CTCF: variants seen among roughly 807,000 people sequenced by gnomAD.
CTCF encodes CCCTC-binding factor, also known as transcriptional repressor CTCF.
In CTCF, 7 loss-of-function variants were observed where a neutral mutation model predicts 72.3. The ratio of observed to expected loss-of-function variants is 0.10; its 90% CI spans 0.06 to 0.18. The LOEUF is 0.18. CTCF is among the 10% of genes least tolerant of loss of function. The probability of loss-of-function intolerance (pLI) is 1.00; values close to 1 mark genes in which losing one functional copy is unlikely to be tolerated. For synonymous variants in CTCF, 374 were observed against 315.8 expected, an observed-to-expected ratio of 1.18 and a Z score of -1.95; for missense variants, 516 against 949.1, an observed-to-expected ratio of 0.54 and a Z score of 6.00.
chr16:67,602,020 C>T (rs1597704590), intron 2 of CTCF, among the ~76,000 whole-genome samples: 1 of 152,074 alleles, frequency 6.6e-6, no homozygotes, highest in East Asian at 1.9e-4. Flanking sequence ...CCTGCCACCA[C>T]AACTGGCTAA....
intron 7 of CTCF, among the ~76,000 whole-genome samples, chr16:67,623,042 A>G (rs1053627418): frequency 2.0e-5 from 3 of 150,470 alleles, no homozygotes; most frequent in South Asian, 4.2e-4. Context: ...GTTCACTGCA[A>G]CCTCCGCCTC....
At chr16:67,601,864 A>ATTTTCTT (rs2142792590) in intron 2 of CTCF, among the ~76,000 whole-genome samples, 1 of 135,092 alleles carries the variant, frequency 7.4e-6, no homozygotes, top group East Asian at 2.2e-4. Context: ...TTTACAAGCA[A>ATTTTCTT]TTTTTTTTTT....
At chr16:67,597,362 CAG>C (rs2051828815) in intron 2 of CTCF, among the ~76,000 whole-genome samples, 2 of 151,640 alleles carry the variant, frequency 1.3e-5, no homozygotes, top group South Asian at 4.2e-4. Context: ...TATTTTGATA[CAG>C]AGTCTCGCTC....
chr16:67,611,695 T>C, intron 3 of CTCF, 82 bp downstream of exon 3: 1 of 1,320,850 alleles, frequency 7.6e-7, no homozygotes, highest in Non-Finnish European at 1.0e-6. Context: ...AGTTGTTTTA[T>C]ATTAACCGTA....
Position 67,610,356 on chromosome 16 carries a change from T to C in CTCF, c.-9-468T>C, listed in dbSNP as rs573030367. Among the ~76,000 whole-genome samples the C allele has an allele frequency of 4.8e-4, 70 of 146,748 alleles. 1 individual carries two copies. The highest frequency in any genetic ancestry group is 4.1e-3 in the East Asian group (21 of 5,118). ...GTAGTGGTTTTTTCTTTTTCTTTTT[T>C]TTTTTTTTTTTTTTGAGATGGAGTC... On this transcript the variant is annotated intron_variant, in intron 2 of 11. Transcript: ENST00000264010.
At chr16:67,598,909 G>C (rs1171808002) in intron 2 of CTCF, among the ~76,000 whole-genome samples, 1 of 152,208 alleles carries the variant, frequency 6.6e-6, no homozygotes. Context: ...GCTCCGTAAA[G>C]TATTGGGGAT....
At chr16:67,584,908 C>G (rs2051648428) in intron 2 of CTCF, among the ~76,000 whole-genome samples, 1 of 152,104 alleles carries the variant, frequency 6.6e-6, no homozygotes, top group South Asian at 2.1e-4. Context: ...GCATTTGATT[C>G]TGTAGCTAAT....
intron 2 of CTCF, among the ~76,000 whole-genome samples, chr16:67,578,671 G>A (rs1365383407): frequency 6.6e-6 from 1 of 151,944 alleles, no homozygotes; most frequent in Admixed American, 6.6e-5. Context: ...AAATAGGCCG[G>A]GCATGGTGTC....
At chr16:67,596,395 T>C (rs2051815318) in intron 2 of CTCF, among the ~76,000 whole-genome samples, 1 of 152,180 alleles carries the variant, frequency 6.6e-6, no homozygotes, top group Non-Finnish European at 1.5e-5. Flanking sequence ...AGTCATCTAT[T>C]TGTGTCCTTT....
intron 1 of CTCF, among the ~76,000 whole-genome samples, chr16:67,570,582 C>G (rs542388349): frequency 9.2e-5 from 14 of 151,912 alleles, no homozygotes; most frequent in African/African-American, 3.1e-4. Context: ...GCTGGTACTA[C>G]AGGCGCCTGC....
chr16:67,637,104 C>T (rs960539323), intron 11 of CTCF, among the ~76,000 whole-genome samples: 2 of 152,142 alleles, frequency 1.3e-5, no homozygotes, highest in Admixed American at 1.3e-4. Flanking sequence ...AAGATGGGTA[C>T]TGTTAATGTG....
rs749617312 is a variant in CTCF at position 67,594,383 on chromosome 16, C to CAA, written c.-9-16426_-9-16425dup. On this transcript the variant is annotated intron_variant, in intron 2 of 11. Coordinates refer to ENST00000264010, the MANE Select transcript of CTCF (RefSeq NM_006565.4). ...TGAGCGACAGGGTGGGACCCTGTCT[C>CAA]AAAAAAAAAAAAAAAAGGTGTAAGA... Among the ~76,000 whole-genome samples, 415 of 68,566 alleles carry CAA rather than the reference C, an allele frequency of 6.1e-3. 5 individuals are homozygous for CAA. The highest frequency in any genetic ancestry group is 0.021 in the African/African-American group (383 of 18,086). 45.0% of individuals were successfully genotyped at this position (68,566 alleles called of 152,430 possible).
At chr16:67,621,217 G>A in intron 6 of CTCF, 1 of 449,304 alleles carries the variant, frequency 2.2e-6, no homozygotes, top group Non-Finnish European at 4.0e-6. Context: ...CTGTAATGTG[G>A]AGGATTCCAG....
Position 67,621,429 on chromosome 16 carries a change from A to G in CTCF, c.1208-13A>G, listed in dbSNP as rs765944326. ...CATTTCATTTATGTGTTCATTCTGTATTTTCTTTAAAGGGGAAAAGCCTTA... is the reference window on the plus strand; with the variant it reads ...CATTTCATTTATGTGTTCATTCTGTGTTTTCTTTAAAGGGGAAAAGCCTTA... On this transcript the variant is annotated splice_polypyrimidine_tract_variant and intron_variant, in intron 6 of 11. Coordinates refer to ENST00000264010, the MANE Select transcript of CTCF (RefSeq NM_006565.4). The G allele has an allele frequency of 2.2e-5, 34 of 1,574,778 alleles. No individual in the cohort carries two copies. The highest frequency in any genetic ancestry group is 2.8e-5 in the Non-Finnish European group (32 of 1,146,374).
intron 2 of CTCF, among the ~76,000 whole-genome samples, chr16:67,578,985 TGGCTCACGC>T (rs1439037172): frequency 1.3e-5 from 2 of 150,704 alleles, no homozygotes; most frequent in Non-Finnish European, 2.9e-5. Context: ...CCGGGCGTGG[TGGCTCACGC>T]CTGTAATCCC....
intron 1 of CTCF, among the ~76,000 whole-genome samples, chr16:67,565,413 G>T (rs1378550035): frequency 6.6e-6 from 1 of 151,710 alleles, no homozygotes; most frequent in African/African-American, 2.4e-5. Flanking sequence ...GGTGGCTCAC[G>T]CCTGTAATCC....
intron 2 of CTCF, among the ~76,000 whole-genome samples, chr16:67,578,325 CTTTTTTT>C (rs944395345): frequency 1.1e-4 from 9 of 84,480 alleles, no homozygotes; most frequent in African/African-American, 3.5e-4. Flanking sequence ...GTTTATGTAT[CTTTTTTT>C]TTTTTTTTTT....
At chr16:67,592,053 T>C (rs1208691835) in intron 2 of CTCF, among the ~76,000 whole-genome samples, 2 of 152,114 alleles carry the variant, frequency 1.3e-5, no homozygotes, top group African/African-American at 2.4e-5. Context: ...CTTGTCCTAA[T>C]GTCATTTAAC....
In CTCF at chr16:67,629,746, C is replaced by CTTTTTTTTTT. The variant is rs71145978; in HGVS notation, c.1837+250_1837+259dup. On this transcript the variant is annotated intron_variant, in intron 10 of 11. Coordinates refer to ENST00000264010, the MANE Select transcript of CTCF (RefSeq NM_006565.4). ...TCGTGGCATTCCGCTCATTAATGCC[C>CTTTTTTTTTT]TTTTTTTTTTTTTTTTTTTTTTTTT... Among the ~76,000 whole-genome samples the CTTTTTTTTTT allele has an allele frequency of 3.6e-4, 23 of 63,362 alleles. 7 individuals are homozygous for CTTTTTTTTTT. Among genetic ancestry groups the CTTTTTTTTTT allele is most frequent in the East Asian group, 1.1e-3 (2 of 1,868 alleles). The allele number at this position is 63,362 out of a possible 152,430, so 41.6% of individuals were successfully genotyped here. A position where few individuals can be genotyped will look rare whatever the true frequency, so the allele number is the denominator to read the frequency against.
Sources: allele counts gnomAD v4.1 joint callset (sites outside exome capture counted in the v4.1 genomes callset), GRCh38; gene constraint gnomAD v4.1.1; transcripts MANE v1.5; gene names NCBI Gene and HGNC (gene_info 2026-07-23, HGNC 2026-07-21).